CEP128: variants seen among roughly 807,000 people sequenced by gnomAD.
CEP128 encodes the protein centrosomal protein 128, also known as centrosomal protein 128kDa.
Under a neutral mutation model 156.7 loss-of-function variants are expected in CEP128, and 132 were observed. The ratio of observed to expected loss-of-function variants is 0.84; its 90% CI spans 0.73 to 0.97. CEP128 has a LOEUF of 0.97. Among genes scored for constraint, CEP128 ranks in the 50% least tolerant of loss-of-function variants. The probability of loss-of-function intolerance (pLI) is 0.00; values close to 1 mark genes in which losing one functional copy is unlikely to be tolerated. For synonymous variants in CEP128, 469 were observed against 448.9 expected, an observed-to-expected ratio of 1.04 and a Z score of -0.57; for missense variants, 1,252 against 1,281.9, an observed-to-expected ratio of 0.98 and a Z score of 0.36.
At position 80,716,553 on chromosome 14, in the gene CEP128, C is replaced by A. The variant is rs142915598; in HGVS notation, c.2806+26522G>T. On this transcript the variant is annotated intron_variant, in intron 19 of 24. Transcript: ENST00000555265. The stretch of plus-strand genomic sequence containing the variant: ...TCATATGCATGAAGTTTTCAAGGTG[C>A]ATCCATGTAGTAAAATTTATTAATA... Among the ~76,000 whole-genome samples the A allele has an allele frequency of 2.4e-3, 366 of 152,296 alleles. 1 individual carries two copies. The highest frequency in any genetic ancestry group is 8.2e-3 in the African/African-American group (340 of 41,562).
chr14:80,758,241 G>A, intron 17 of CEP128, among the ~76,000 whole-genome samples: 1 of 152,160 alleles, frequency 6.6e-6, no homozygotes, highest in East Asian at 1.9e-4. Flanking sequence ...GCCTTAACCT[G>A]CCAGGCATGG....
At chr14:80,493,734 G>GGACT, downstream of CEP128, among the ~76,000 whole-genome samples, 1 of 152,312 alleles carries the variant, frequency 6.6e-6, no homozygotes, top group Non-Finnish European at 1.5e-5. Flanking sequence ...GACTTCAGCG[G>GGACT]TCAACAATAG....
At chr14:80,529,680 T>C (rs12894863) in intron 22 of CEP128, among the ~76,000 whole-genome samples, 123,221 of 152,074 alleles carry the variant, frequency 0.81, 51,328 homozygotes, top group Middle Eastern at 0.9. Context: ...TAACATATTG[T>C]CTCCTATCAC....
At chr14:80,910,356 G>A (rs763005909) in intron 4 of CEP128, among the ~76,000 whole-genome samples, 1 of 152,180 alleles carries the variant, frequency 6.6e-6, no homozygotes, top group Non-Finnish European at 1.5e-5. Context: ...AGTGGAGCCT[G>A]GTGAGAGGTC....
At chr14:80,933,379 T>A (rs1384650012) in intron 2 of CEP128, among the ~76,000 whole-genome samples, 1 of 152,148 alleles carries the variant, frequency 6.6e-6, no homozygotes, top group East Asian at 1.9e-4. Context: ...AGTTTATATC[T>A]CCTTTGGGCA....
Sources: gnomAD v4.1 joint callset for allele counts (sites outside exome capture counted in the v4.1 genomes callset) on GRCh38, gnomAD v4.1.1 for gene constraint, MANE v1.5 for transcripts, NCBI Gene and HGNC (gene_info 2026-07-23, HGNC 2026-07-21) for gene names.